The following DIO2 variants were observed in gnomAD, a reference collection of about 807,000 sequenced individuals.
DIO2 encodes type II iodothyronine deiodinase.
In DIO2, 19 loss-of-function variants were observed where a neutral mutation model predicts 21.4. The ratio of observed to expected loss-of-function variants is 0.89; its 90% CI spans 0.62 to 1.30. The LOEUF (loss-of-function observed/expected upper bound fraction) is 1.30, where lower values mean the gene tolerates loss of function less well. Ranked by LOEUF, DIO2 falls within the 50% of genes most tolerant of loss-of-function variation. DIO2 has a pLI of 0.00. For synonymous variants in DIO2, 122 were observed against 132.9 expected (o/e 0.92, Z 0.57); for missense variants, 302 against 338.1 (o/e 0.89, Z 0.84).
At chr14:80,229,473 G>T (rs1313049151) in intron 2 of DIO2, among the ~76,000 whole-genome samples, 1 of 152,072 alleles carries the variant, frequency 6.6e-6, no homozygotes, top group Admixed American at 6.5e-5. Flanking sequence ...CTTCAAAGAT[G>T]CAGGTGCTGC....
At chr14:80,212,486 C>T (rs1888246704), upstream of DIO2, among the ~76,000 whole-genome samples, 1 of 151,934 alleles carries the variant, frequency 6.6e-6, no homozygotes, top group South Asian at 2.1e-4. Context: ...TTGATATGGC[C>T]AACACTCTCT....
In DIO2 at chr14:80,202,580, C is replaced by T; in HGVS notation, c.*109G>A. 1 of 1,149,434 alleles carries T rather than the reference C, an allele frequency of 8.7e-7. No individual in the cohort carries two copies. Among genetic ancestry groups the T allele is most frequent in the South Asian group, 1.6e-5 (1 of 61,948 alleles). 71.2% of individuals were successfully genotyped at this position (1,149,434 alleles called of 1,614,324 possible). A position where few individuals can be genotyped will look rare whatever the true frequency, so the allele number is the denominator to read the frequency against. On this transcript the variant is annotated 3_prime_UTR_variant, in exon 2 of 2. Coordinates refer to ENST00000438257, the MANE Select transcript of DIO2 (RefSeq NM_013989.5). The stretch of plus-strand genomic sequence containing the variant: ...TTCATGTTCTTCCGATAGATAAACT[C>T]CTGTCTTTCAGTAAGCCAATAGGGC...
At position 80,211,290 on chromosome 14, in the gene DIO2, G is replaced by A; in HGVS notation, c.183C>T (p.Arg61=). The change falls in exon 1 of 2, where the codon CGC becomes CGT. Residue 61 remains arginine, a synonymous_variant. Coordinates refer to ENST00000438257, the MANE Select transcript of DIO2 (RefSeq NM_013989.5). The part of the protein sequence containing the change: ...WRRMLTSEGL[R]CVWKSFLLDA... ...CGAGGAGGAAGCTCTTCCAGACGCA[G>A]CGCAGTCCCTCTGAGGTCAGCATGC... The A allele has an allele frequency of 1.2e-6, 2 of 1,612,974 alleles. No individual in the cohort carries two copies. Among genetic ancestry groups the A allele is most frequent in the Non-Finnish European group, 1.7e-6 (2 of 1,179,848 alleles).
Position 80,201,827 on chromosome 14 carries a change from T to A in DIO2, c.*862A>T, listed in dbSNP as rs1212086384. On this transcript the variant is annotated 3_prime_UTR_variant, in exon 2 of 2. Coordinates refer to ENST00000438257, the MANE Select transcript of DIO2 (RefSeq NM_013989.5). ...GAGCATATGACAAATATATTGTTTT[T>A]ATATGTGTATTCTCTATGCCACTTT... 6.5e-6 allele frequency: 1 copy of A among 152,682 alleles called. No homozygotes were observed. The highest frequency in any genetic ancestry group is 1.9e-4 in the East Asian group (1 of 5,210). The allele number at this position is 152,682 out of a possible 1,614,324, so 9.5% of individuals were successfully genotyped here. A position where few individuals can be genotyped will look rare whatever the true frequency, so the allele number is the denominator to read the frequency against.
At chr14:80,209,353 T>G (rs1446126544) in intron 1 of DIO2, among the ~76,000 whole-genome samples, 1 of 151,886 alleles carries the variant, frequency 6.6e-6, no homozygotes, top group Admixed American at 6.6e-5. Context: ...CCAATAAGTT[T>G]TTTTTTTTTT....
At chr14:80,206,799 T>C (rs972561843) in intron 1 of DIO2, among the ~76,000 whole-genome samples, 3 of 152,142 alleles carry the variant, frequency 2.0e-5, no homozygotes, top group Non-Finnish European at 4.4e-5. Context: ...TTGGTTTTTG[T>C]CCTTAATGAG....
intron 2 of DIO2, among the ~76,000 whole-genome samples, chr14:80,227,573 T>C (rs1404317718): frequency 2.0e-5 from 3 of 152,198 alleles, no homozygotes; most frequent in Non-Finnish European, 4.4e-5. Flanking sequence ...CTGCAGAAGA[T>C]GGCAGGGCCA....
At chr14:80,227,521 A>T (rs1888600665) in intron 2 of DIO2, among the ~76,000 whole-genome samples, 1 of 152,226 alleles carries the variant, frequency 6.6e-6, no homozygotes, top group Admixed American at 6.5e-5. Context: ...ACCAAGGCCC[A>T]GGAACAGGCA....
Position 80,211,327 on chromosome 14 carries a change from C to T in DIO2, c.146G>A (p.Gly49Glu), listed in dbSNP as rs1888180343. ...LLLSRSKSTR[G>E]EWRRMLTSEG... ...TGAGGTCAGCATGCGCCGCCACTCT[C>T]CGCGAGTGGACTTGGAGCGGCTCAA... Residue 49 changes from glycine (G) to glutamate (E), a missense_variant, in exon 1 of 2, where the codon GGA becomes GAA. Coordinates refer to ENST00000438257, the MANE Select transcript of DIO2 (RefSeq NM_013989.5). 1.2e-6 allele frequency: 2 copies of T among 1,613,686 alleles called. No homozygotes were observed. The highest frequency in any genetic ancestry group is 1.7e-6 in the Non-Finnish European group (2 of 1,179,890).
In DIO2 at chr14:80,202,590, A is replaced by G. The variant is rs527290614; in HGVS notation, c.*99T>C. Reference sequence around the variant, plus strand: ...TCCGATAGATAAACTCCTGTCTTTCAGTAAGCCAATAGGGCTCTGTTGAAA... The same window carrying G: ...TCCGATAGATAAACTCCTGTCTTTCGGTAAGCCAATAGGGCTCTGTTGAAA... On this transcript the variant is annotated 3_prime_UTR_variant, in exon 2 of 2. Transcript: ENST00000438257. The G allele has an allele frequency of 4.6e-5, 58 of 1,250,650 alleles. No individual in the cohort carries two copies. The Admixed American group carries it at 1.2e-3, about 26-fold the overall frequency. 77.5% of individuals were successfully genotyped at this position (1,250,650 alleles called of 1,614,324 possible). A position where few individuals can be genotyped will look rare whatever the true frequency, so the allele number is the denominator to read the frequency against.
chr14:80,226,247 C>T (rs558587200), intron 2 of DIO2, among the ~76,000 whole-genome samples: 29 of 152,298 alleles, frequency 1.9e-4, no homozygotes, highest in African/African-American at 7.0e-4. Flanking sequence ...AAAGGCCGTT[C>T]CACCATTCTA....
At chr14:80,230,621 A>C (rs1490893974) in intron 2 of DIO2, among the ~76,000 whole-genome samples, 2 of 152,162 alleles carry the variant, frequency 1.3e-5, no homozygotes, top group Non-Finnish European at 2.9e-5. Context: ...ATGAGCTGTG[A>C]ATCAGGAGTG....
At chr14:80,230,454 C>T (rs778356217) in intron 2 of DIO2, among the ~76,000 whole-genome samples, 3 of 152,124 alleles carry the variant, frequency 2.0e-5, no homozygotes, top group Non-Finnish European at 4.4e-5. Flanking sequence ...TCAATATCTG[C>T]TTTTGAGGCC....
At chr14:80,222,432 T>C (rs1888483466) in intron 2 of DIO2, among the ~76,000 whole-genome samples, 1 of 152,240 alleles carries the variant, frequency 6.6e-6, no homozygotes, top group Non-Finnish European at 1.5e-5. Context: ...CATTGTTTTC[T>C]ATCTACCTAG....
chr14:80,200,873 T>C lies in DIO2; in HGVS notation c.*1816A>G, dbSNP rs956552964. ...TGGTTCTTGCACACCTAGTTCTCAC[T>C]CTTTTCTCAATTCAGACAACTAGTT... On this transcript the variant is annotated 3_prime_UTR_variant, in exon 2 of 2. Coordinates refer to ENST00000438257, the MANE Select transcript of DIO2 (RefSeq NM_013989.5). 1 of 152,188 alleles carries C rather than the reference T, an allele frequency of 6.6e-6. No individual in the cohort carries two copies. The highest frequency in any genetic ancestry group is 2.4e-5 in the African/African-American group (1 of 41,454). The allele number at this position is 152,188 out of a possible 1,614,324, so 9.4% of individuals were successfully genotyped here.
rs1887529846 is a variant in DIO2, at chr14:80,197,612, CTCTT to C, written c.*5073_*5076del. ...AGCACTCAGCACCAATATGATAACA[CTCTT>C]TCTACTGATAATCTCCCAAAGCAGT... On this transcript the variant is annotated 3_prime_UTR_variant, in exon 2 of 2. Transcript: ENST00000438257. The C allele has an allele frequency of 6.6e-6, 1 of 152,648 alleles. No individual in the cohort carries two copies. The highest frequency in any genetic ancestry group is 6.5e-5 in the Admixed American group (1 of 15,284). 9.5% of individuals were successfully genotyped at this position (152,648 alleles called of 1,614,324 possible).
intron 1 of DIO2, chr14:80,205,783 T>TG (rs5809988): frequency 1.5e-5 from 18 of 1,164,146 alleles, no homozygotes; most frequent in Middle Eastern, 2.6e-4. Context: ...ATGCTCTTTA[T>TG]GGGGGGGATT....
intron 2 of DIO2, among the ~76,000 whole-genome samples, chr14:80,222,571 G>T (rs185186885): frequency 6.6e-6 from 1 of 152,146 alleles, no homozygotes; most frequent in East Asian, 1.9e-4. Context: ...TAAGTAACTT[G>T]AAAATGCAAA....
At chr14:80,212,236 A>G (rs1888236851), upstream of DIO2, 1 of 152,142 alleles carries the variant, frequency 6.6e-6, no homozygotes, top group Non-Finnish European at 1.5e-5. Flanking sequence ...GCTGCAATAG[A>G]GAAGTGAAAG....
Sources: gnomAD v4.1 joint callset for allele counts (sites outside exome capture counted in the v4.1 genomes callset) on GRCh38, gnomAD v4.1.1 for gene constraint, MANE v1.5 for transcripts, NCBI Gene and HGNC (gene_info 2026-07-23, HGNC 2026-07-21) for gene names.